Variants in CTNNA3 observed in about 807,000 individuals in gnomAD.
CTNNA3 encodes catenin alpha-3.
Under a neutral mutation model 95.7 loss-of-function variants are expected in CTNNA3, and 76 were observed. The observed-to-expected ratio is 0.79, with a 90% CI of 0.66 to 0.96. The LOEUF (loss-of-function observed/expected upper bound fraction) is 0.96. CTNNA3 is among the 40% of genes least tolerant of loss of function. The pLI, the probability that CTNNA3 is intolerant of heterozygous loss-of-function variation, is 0.00. For missense variants in CTNNA3, 1,191 were observed against 1,089.8 expected, an observed-to-expected ratio of 1.09 and a Z score of -1.31; for synonymous variants, 431 against 374.4, an observed-to-expected ratio of 1.15 and a Z score of -1.74.
At chr10:67,089,080 C>T (rs1334209005) in intron 7 of CTNNA3, among the ~76,000 whole-genome samples, 1 of 151,886 alleles carries the variant, frequency 6.6e-6, no homozygotes, top group Non-Finnish European at 1.5e-5. Context: ...AAGTACTACA[C>T]ACCATTTTAT....
intron 5 of CTNNA3, among the ~76,000 whole-genome samples, chr10:67,502,545 T>C (rs1839267311): frequency 1.3e-5 from 2 of 152,182 alleles, no homozygotes; most frequent in Admixed American, 1.3e-4. Context: ...ATGGAATGTT[T>C]CAGTCTGCTG....
chr10:65,958,930 G>A (rs1038725990), intron 17 of CTNNA3, among the ~76,000 whole-genome samples: 3 of 152,194 alleles, frequency 2.0e-5, no homozygotes, highest in South Asian at 4.1e-4. Flanking sequence ...TATCAGACAG[G>A]GACGTTTAAG....
intron 7 of CTNNA3, among the ~76,000 whole-genome samples, chr10:66,993,682 T>C (rs550359291): frequency 3.4e-4 from 43 of 125,112 alleles, no homozygotes; most frequent in Non-Finnish European, 6.2e-4. Context: ...CTTGCACTAA[T>C]GATACATAAA....
chr10:67,190,237 T>TAA (rs1863057868), intron 6 of CTNNA3, among the ~76,000 whole-genome samples: 2 of 152,002 alleles, frequency 1.3e-5, no homozygotes, highest in Non-Finnish European at 2.9e-5. Flanking sequence ...AATCTATATA[T>TAA]AATAGCTTGA....
At chr10:67,727,556 A>T (rs1215047111) in intron 1 of CTNNA3, among the ~76,000 whole-genome samples, 1 of 129,732 alleles carries the variant, frequency 7.7e-6, no homozygotes, top group East Asian at 2.1e-4. Context: ...TAGATCATAT[A>T]TAATATATAA....
At chr10:67,427,555 C>T (rs1845967026) in intron 5 of CTNNA3, among the ~76,000 whole-genome samples, 1 of 151,632 alleles carries the variant, frequency 6.6e-6, no homozygotes, top group South Asian at 2.1e-4. Context: ...ATTATTTTTC[C>T]TCTCAACTTA....
At chr10:66,464,776 A>AAT (rs1217044791) in intron 11 of CTNNA3, among the ~76,000 whole-genome samples, 1 of 151,862 alleles carries the variant, frequency 6.6e-6, no homozygotes, top group African/African-American at 2.4e-5. Context: ...ATAAAAAAAA[A>AAT]AACAAAAACA....
At chr10:66,317,459 G>A (rs1403680382) in intron 12 of CTNNA3, among the ~76,000 whole-genome samples, 1 of 151,944 alleles carries the variant, frequency 6.6e-6, no homozygotes, top group Non-Finnish European at 1.5e-5. Flanking sequence ...GAATCACAAG[G>A]TCAGGAGTTC....
At chr10:66,498,442 A>G (rs1368471238) in intron 11 of CTNNA3, among the ~76,000 whole-genome samples, 4 of 152,132 alleles carry the variant, frequency 2.6e-5, no homozygotes, top group Non-Finnish European at 5.9e-5. Context: ...TGTTCATACA[A>G]CTTATCCAAT....
chr10:66,246,094 T>C (rs949866894), intron 13 of CTNNA3, among the ~76,000 whole-genome samples: 5 of 152,166 alleles, frequency 3.3e-5, no homozygotes, highest in Non-Finnish European at 5.9e-5. Context: ...TGTACCCCCT[T>C]CCACCCAGCA....
intron 5 of CTNNA3, among the ~76,000 whole-genome samples, chr10:67,245,308 C>T (rs1465801775): frequency 6.6e-6 from 1 of 152,206 alleles, no homozygotes; most frequent in Admixed American, 6.5e-5. Flanking sequence ...TCAACAATTC[C>T]AACCTCAATA....
intron 10 of CTNNA3, among the ~76,000 whole-genome samples, chr10:66,522,399 C>T (rs530726930): frequency 6.6e-6 from 1 of 151,998 alleles, no homozygotes; most frequent in South Asian, 2.1e-4. Flanking sequence ...CTCATAATTC[C>T]CATATGTCAT....
At chr10:66,377,060 T>C (rs530176483) in intron 12 of CTNNA3, among the ~76,000 whole-genome samples, 23 of 152,236 alleles carry the variant, frequency 1.5e-4, no homozygotes, top group African/African-American at 5.3e-4. Context: ...TCAGAATTCC[T>C]TTTAGTAAGG....
At chr10:67,340,508 T>A (rs1165342984) in intron 5 of CTNNA3, among the ~76,000 whole-genome samples, 1 of 152,202 alleles carries the variant, frequency 6.6e-6, no homozygotes, top group African/African-American at 2.4e-5. Context: ...AATGATTTCA[T>A]AATTGTTTTA....
chr10:67,184,184 G>T (rs974261582), intron 6 of CTNNA3, among the ~76,000 whole-genome samples: 5 of 152,066 alleles, frequency 3.3e-5, no homozygotes, highest in African/African-American at 1.2e-4. Context: ...ATCATTCTTT[G>T]GCCTCCCAGC....
intron 11 of CTNNA3, among the ~76,000 whole-genome samples, chr10:66,405,163 A>G (rs1349455208): frequency 6.6e-6 from 1 of 152,112 alleles, no homozygotes; most frequent in African/African-American, 2.4e-5. Context: ...CAGTGAATTT[A>G]TTTGGACTCT....
rs1856672871 is a variant in CTNNA3, at chr10:67,074,987, T to G, written c.1047+105330A>C. Among the ~76,000 whole-genome samples, 7 of 152,180 alleles carry G rather than the reference T, an allele frequency of 4.6e-5. No homozygotes were observed. The South Asian group carries it at 1.4e-3, about 32-fold the overall frequency. On this transcript the variant is annotated intron_variant, in intron 7 of 17. Coordinates refer to ENST00000433211, the MANE Select transcript of CTNNA3 (RefSeq NM_013266.4). Reference sequence around the variant, plus strand: ...TATTAAGCAATATCTGTGTAATTGATTCTCTCTCTTTTGGTACTTAAAGAT... The same window carrying G: ...TATTAAGCAATATCTGTGTAATTGAGTCTCTCTCTTTTGGTACTTAAAGAT...
chr10:67,704,447 G>A (rs1589576550), intron 1 of CTNNA3, among the ~76,000 whole-genome samples: 1 of 152,270 alleles, frequency 6.6e-6, no homozygotes, highest in Non-Finnish European at 1.5e-5. Context: ...CAATGGAACA[G>A]ACCAGAGCCC....
intron 3 of CTNNA3, among the ~76,000 whole-genome samples, chr10:67,585,740 C>G (rs562753548): frequency 6.6e-6 from 1 of 152,096 alleles, no homozygotes; most frequent in South Asian, 2.1e-4. Context: ...GTCTAGCTAG[C>G]AGTTTATCAA....
Sources: gnomAD v4.1 joint callset for allele counts (sites outside exome capture counted in the v4.1 genomes callset) on GRCh38, gnomAD v4.1.1 for gene constraint, MANE v1.5 for transcripts, NCBI Gene and HGNC (gene_info 2026-07-23, HGNC 2026-07-21) for gene names.